The following PPP2R2B variants were observed in gnomAD, a reference collection of about 807,000 sequenced individuals.
The protein encoded by PPP2R2B is serine/threonine-protein phosphatase 2A 55 kDa regulatory subunit B beta isoform.
A neutral mutation model predicts 46.0 loss-of-function variants in PPP2R2B; 5 were observed. The observed-to-expected ratio is 0.11, with a 90% CI of 0.06 to 0.23. PPP2R2B has a LOEUF of 0.23. PPP2R2B is among the 10% of genes least tolerant of loss of function. PPP2R2B has a pLI of 1.00. For synonymous variants in PPP2R2B, 215 were observed against 206.7 expected (o/e 1.04, Z -0.34); for missense variants, 367 against 575.0 (o/e 0.64, Z 3.70).
intron 7 of PPP2R2B, among the ~76,000 whole-genome samples, chr5:146,620,568 G>T (rs536114822): frequency 3.3e-5 from 5 of 152,132 alleles, no homozygotes; most frequent in Non-Finnish European, 7.3e-5. Flanking sequence ...CTCTCTGCAA[G>T]GTTGGTGAGT....
chr5:146,998,946 G>A lies in PPP2R2B; in HGVS notation c.79+56719C>T, dbSNP rs372757082. Among the ~76,000 whole-genome samples the A allele has an allele frequency of 4.9e-3, 735 of 149,332 alleles. 5 individuals carry two copies. The highest frequency in any genetic ancestry group is 0.017 in the African/African-American group (685 of 40,596). ...GTGTCAGAGCGGGAACCCGGGAGGCGGAGCTTGCAGTGAGCAGAGATCAAG... is the reference window on the plus strand; with the variant it reads ...GTGTCAGAGCGGGAACCCGGGAGGCAGAGCTTGCAGTGAGCAGAGATCAAG... On this transcript the variant is annotated intron_variant, in intron 1 of 8. Transcript: ENST00000336640.
chr5:146,590,318 A>G (rs1226915559), intron 9 of PPP2R2B, 92 bp from the exon 10 acceptor site: 8 of 1,354,440 alleles, frequency 5.9e-6, no homozygotes, highest in Middle Eastern at 1.9e-4. Flanking sequence ...TTATGACACC[A>G]TAGGTTTTAT....
chr5:146,916,279 C>T (rs986380706), intron 1 of PPP2R2B, among the ~76,000 whole-genome samples: 16 of 142,396 alleles, frequency 1.1e-4, no homozygotes, highest in Non-Finnish European at 1.8e-4. Context: ...AAATTCTAAC[C>T]ACATGTTACC....
chr5:146,994,019 G>A (rs1753816832), intron 1 of PPP2R2B, among the ~76,000 whole-genome samples: 1 of 152,102 alleles, frequency 6.6e-6, no homozygotes, highest in Non-Finnish European at 1.5e-5. Flanking sequence ...ACTCACTTCA[G>A]GAATAGCTAA....
At chr5:146,896,884 AC>A (rs1162005962) in intron 1 of PPP2R2B, among the ~76,000 whole-genome samples, 1 of 152,112 alleles carries the variant, frequency 6.6e-6, no homozygotes, top group Admixed American at 6.6e-5. Flanking sequence ...GTACTTTAAA[AC>A]TAAAGTTCCA....
intron 1 of PPP2R2B, among the ~76,000 whole-genome samples, chr5:147,014,584 C>T (rs1216172738): frequency 1.3e-5 from 2 of 151,982 alleles, no homozygotes; most frequent in African/African-American, 2.4e-5. Flanking sequence ...ATGTCCTTTG[C>T]AGGGACATGG....
At chr5:147,030,999 G>A (rs1401419763) in intron 1 of PPP2R2B, among the ~76,000 whole-genome samples, 1 of 152,132 alleles carries the variant, frequency 6.6e-6, no homozygotes, top group Admixed American at 6.5e-5. Flanking sequence ...CACTTTGAGA[G>A]GCCAAGGCGG....
At chr5:146,736,381 G>A (rs191367087) in intron 2 of PPP2R2B, among the ~76,000 whole-genome samples, 325 of 152,202 alleles carry the variant, frequency 2.1e-3, no homozygotes, top group African/African-American at 7.2e-3. Flanking sequence ...TATTTTACAT[G>A]CATTTGCTCC....
chr5:146,852,467 A>G (rs1157646384), intron 2 of PPP2R2B, among the ~76,000 whole-genome samples: 3 of 152,166 alleles, frequency 2.0e-5, no homozygotes, highest in African/African-American at 7.2e-5. Context: ...TAGCTCAGTC[A>G]AGTTTCCAAA....
Position 146,582,876 on chromosome 5 carries a change from A to T in PPP2R2B, c.*7071T>A, listed in dbSNP as rs1326952879. On this transcript the variant is annotated 3_prime_UTR_variant, in exon 10 of 10. Transcript: ENST00000394411. ...GACTATAAGTATTTGCGAAGTTTGG[A>T]AACCATATTTCCTCATTTTAGTGCC... 1.3e-5 allele frequency: 2 copies of T among 152,160 alleles called. No homozygotes were observed. Among genetic ancestry groups the T allele is most frequent in the Non-Finnish European group, 2.9e-5 (2 of 68,042 alleles). 9.4% of individuals were successfully genotyped at this position (152,160 alleles called of 1,614,324 possible).
chr5:146,908,552 G>A (rs144280757), intron 1 of PPP2R2B, among the ~76,000 whole-genome samples: 1 of 148,640 alleles, frequency 6.7e-6, no homozygotes, highest in African/African-American at 2.5e-5. Context: ...GCATAGGGGT[G>A]TGTTAAACAA....
intron 2 of PPP2R2B, among the ~76,000 whole-genome samples, chr5:146,845,609 C>A (rs1370403551): frequency 6.6e-6 from 1 of 152,100 alleles, no homozygotes; most frequent in East Asian, 1.9e-4. Flanking sequence ...AAGGTGTAAG[C>A]TGAAGAACAG....
intron 8 of PPP2R2B, among the ~76,000 whole-genome samples, chr5:146,595,417 T>C (rs556913859): frequency 3.2e-4 from 49 of 152,368 alleles, no homozygotes; most frequent in Non-Finnish European, 4.6e-4. Flanking sequence ...TTTGTCTTAT[T>C]ACTCACCTGC....
chr5:146,857,114 G>A (rs1244697144), intron 2 of PPP2R2B, among the ~76,000 whole-genome samples: 1 of 152,112 alleles, frequency 6.6e-6, no homozygotes, highest in Non-Finnish European at 1.5e-5. Flanking sequence ...GTTTGGGGTA[G>A]GGTTTTATGG....
At position 146,648,832 on chromosome 5, in the gene PPP2R2B, A is replaced by C. The variant is rs1479594198; in HGVS notation, c.625+1715T>G. 2.0e-5 allele frequency among the ~76,000 whole-genome samples: 3 copies of C among 152,208 alleles called. No individual in the cohort carries two copies. The East Asian group carries it at 5.8e-4, about 29-fold the overall frequency. On this transcript the variant is annotated intron_variant, in intron 6 of 9. Coordinates refer to ENST00000394411, the MANE Select transcript of PPP2R2B (RefSeq NM_181675.4). ...AAGAATAAGGTTTACTTAGGAACAG[A>C]AAAGTGATTAGTTGGCTGAAATGAA...
intron 1 of PPP2R2B, among the ~76,000 whole-genome samples, chr5:147,005,970 A>G (rs745593855): frequency 7.9e-5 from 12 of 152,322 alleles, no homozygotes; most frequent in Non-Finnish European, 1.5e-4. Context: ...CAAGGGAACA[A>G]GGGCATAACC....
chr5:146,649,804 G>A (rs1195085349), intron 6 of PPP2R2B, among the ~76,000 whole-genome samples: 1 of 152,108 alleles, frequency 6.6e-6, no homozygotes, highest in Non-Finnish European at 1.5e-5. Flanking sequence ...TTATGGGGTT[G>A]TTTTATCAAA....
chr5:146,607,086 C>T (rs1453633352), intron 7 of PPP2R2B: 1 of 152,158 alleles, frequency 6.6e-6, no homozygotes, highest in Non-Finnish European at 1.5e-5. Context: ...CCTTCAGAGA[C>T]ATGCAGGCAA....
At chr5:146,832,879 G>A (rs989913800) in intron 2 of PPP2R2B, among the ~76,000 whole-genome samples, 1 of 151,928 alleles carries the variant, frequency 6.6e-6, no homozygotes, top group Non-Finnish European at 1.5e-5. Flanking sequence ...CCAGGTTTGT[G>A]TAAGTACACT....
Sources: gnomAD v4.1 joint callset for allele counts (sites outside exome capture counted in the v4.1 genomes callset) on GRCh38, gnomAD v4.1.1 for gene constraint, MANE v1.5 for transcripts, NCBI Gene and HGNC (gene_info 2026-07-23, HGNC 2026-07-21) for gene names.